Variants in CYP21A2 observed in about 807,000 individuals in gnomAD.
The protein encoded by CYP21A2 is steroid 21-hydroxylase.
CYP21A2 carries 24 observed loss-of-function variants against 47.4 expected under a neutral mutation model. The observed-to-expected ratio is 0.51, with a 90% CI of 0.37 to 0.71. The LOEUF (loss-of-function observed/expected upper bound fraction) is 0.71. Ranked by LOEUF, CYP21A2 falls within the 30% of genes least tolerant of loss-of-function variation. CYP21A2 has a pLI of 0.00. For missense variants in CYP21A2, 358 were observed against 643.2 expected (o/e 0.56, Z 4.80); for synonymous variants, 130 against 273.9 (o/e 0.47, Z 5.19).
Position 32,039,769 on chromosome 6 carries a change from C to T in CYP21A2, c.672C>T (p.Leu224=), listed in dbSNP as rs571081122. ...CGCAGTTCTTCCCCAATCCAGGTCT[C>T]CGGAGGCTGAAGCAGGCCATAGAGA... The part of the protein sequence containing the change: ...PFLRFFPNPG[L]RRLKQAIEKR... The change falls in exon 6 of 10, where the codon CTC becomes CTT. Residue 224 remains leucine, a synonymous_variant. Transcript: ENST00000644719. 103 of 1,613,236 alleles carry T rather than the reference C, an allele frequency of 6.4e-5. 1 individual carries two copies. In the South Asian group the frequency reaches 8.1e-4, roughly 13 times the overall value.
chr6:32,039,805 C>T lies in CYP21A2; in HGVS notation c.708C>T (p.His236=). The T allele has an allele frequency of 6.8e-6, 11 of 1,614,032 alleles. No individual in the cohort carries two copies. Among genetic ancestry groups the T allele is most frequent in the Non-Finnish European group, 9.3e-6 (11 of 1,179,966 alleles). ...AGCAGGCCATAGAGAAGAGGGATCA[C>T]ATCGTGGAGATGCAGCTGAGGCAGC... ...RLKQAIEKRD[H]IVEMQLRQHK... is the part of the protein sequence containing the mutation. Residue 236 remains histidine (H), a synonymous_variant, in exon 6 of 10, where the codon CAC becomes CAT. Transcript: ENST00000644719.
In CYP21A2 at chr6:32,040,182, GT is replaced by G. The variant is rs267606756; in HGVS notation, c.923del (p.Leu308CysfsTer15). ...TTANTLSWAVVFLLHHPEIQQ... is the reference protein window; with the variant it reads ...TTANTLSWAVXFLLHHPEIQQ... ...AGCAAACACCCTCTCCTGGGCCGTG[GT>G]TTTTTTGCTTCACCACCCTGAGGTG... On this transcript the variant is annotated frameshift_variant, in exon 7 of 10. Transcript: ENST00000644719. LOFTEE classifies it high-confidence loss of function. 5 of 1,612,746 alleles carry G rather than the reference GT, an allele frequency of 3.1e-6. No individual in the cohort carries two copies. Among genetic ancestry groups the G allele is most frequent in the Non-Finnish European group, 3.4e-6 (4 of 1,179,834 alleles).
In CYP21A2 at chr6:32,040,216, G is replaced by A; in HGVS notation, c.939+11G>A. 2 of 1,611,412 alleles carry A rather than the reference G, an allele frequency of 1.2e-6. No homozygotes were observed. Among genetic ancestry groups the A allele is most frequent in the Non-Finnish European group, 1.7e-6 (2 of 1,179,582 alleles). ...CTTCACCACCCTGAGGTGCGTCCTG[G>A]GGACAAGCAAAAGGCTCCTTCCCAG... On this transcript the variant is annotated intron_variant, in intron 7 of 9. Coordinates refer to ENST00000644719, the MANE Select transcript of CYP21A2 (RefSeq NM_000500.9).
Position 32,039,415 on chromosome 6 carries a change from C to T in CYP21A2, c.507C>T (p.Thr169=), listed in dbSNP as rs1776094187. Residue 169 remains threonine (T), a synonymous_variant, in exon 4 of 10, where the codon ACC becomes ACT. Transcript: ENST00000644719. ...VAIEEEFSLL[T]CSIICYLTFG... ...TTGAGGAGGAATTCTCTCTCCTCACCTGCAGCATCATCTGTTACCTCACCT... is the reference window on the plus strand; with the variant it reads ...TTGAGGAGGAATTCTCTCTCCTCACTTGCAGCATCATCTGTTACCTCACCT... 1.2e-6 allele frequency: 2 copies of T among 1,613,310 alleles called. No homozygotes were observed. Among genetic ancestry groups the T allele is most frequent in the Admixed American group, 1.7e-5 (1 of 59,924 alleles).
Position 32,039,197 on chromosome 6 carries a change from C to G in CYP21A2, c.396C>G (p.Ile132Met), listed in dbSNP as rs746395253. 2.5e-6 allele frequency: 4 copies of G among 1,597,412 alleles called. No homozygotes were observed. In the African/African-American group the frequency reaches 5.4e-5, roughly 21 times the overall value. The stretch of plus-strand genomic sequence containing the variant: ...CCCGCTCAGCCCTGCTGCTGGGCAT[C>G]CGTGACTCCATGGAGCCAGTGGTGG... ...KLTRSALLLG[I>M]RDSMEPVVEQ... Residue 132 changes from isoleucine to methionine, a missense_variant, in exon 3 of 10, where the codon ATC becomes ATG. Coordinates refer to ENST00000644719, the MANE Select transcript of CYP21A2 (RefSeq NM_000500.9).
In CYP21A2 at chr6:32,040,553, G is replaced by C. The variant is rs2151875445; in HGVS notation, c.1087G>C (p.Ala363Pro). 1 of 1,613,612 alleles carries C rather than the reference G, an allele frequency of 6.2e-7. No individual in the cohort carries two copies. The highest frequency in any genetic ancestry group is 1.1e-5 in the South Asian group (1 of 91,076). ...VLRLRPVVPL[A>P]LPHRTTRPSS... Reference sequence around the variant, plus strand: ...GCGCCTGCGGCCCGTTGTGCCCTTAGCCTTGCCCCACCGCACCACACGGCC... The same window carrying C: ...GCGCCTGCGGCCCGTTGTGCCCTTACCCTTGCCCCACCGCACCACACGGCC... Residue 363 changes from alanine to proline, a missense_variant, in exon 8 of 10, where the codon GCC becomes CCC. Ala to Pro is a conservative substitution (Grantham distance 27). Coordinates refer to ENST00000644719, the MANE Select transcript of CYP21A2 (RefSeq NM_000500.9).
Position 32,039,626 on chromosome 6 carries a change from G to A in CYP21A2, c.630G>A (p.Val210=). The change falls in exon 5 of 10, where the codon GTG becomes GTA. Residue 210 remains valine (V), a synonymous_variant. Transcript: ENST00000644719. The part of the protein sequence containing the change: ...KTWSHWSIQI[V]DVIPFLRFFP... Reference sequence around the variant, plus strand: ...GGAGCCACTGGTCCATCCAAATTGTGGACGTGATTCCCTTTCTCAGGGTGA... The same window carrying A: ...GGAGCCACTGGTCCATCCAAATTGTAGACGTGATTCCCTTTCTCAGGGTGA... 2 of 1,562,816 alleles carry A rather than the reference G, an allele frequency of 1.3e-6. No individual in the cohort carries two copies. The highest frequency in any genetic ancestry group is 1.9e-5 in the Admixed American group (1 of 52,562).
In CYP21A2 at chr6:32,038,591, G is replaced by A. The variant is rs1413433421; in HGVS notation, c.169G>A (p.Gly57Arg). 1 of 1,589,372 alleles carries A rather than the reference G, an allele frequency of 6.3e-7. No individual in the cohort carries two copies. Among genetic ancestry groups the A allele is most frequent in the Non-Finnish European group, 8.6e-7 (1 of 1,166,826 alleles). The stretch of plus-strand genomic sequence containing the variant: ...TCTGCTTGGCCTGACTCAGAAATTC[G>A]GGCCCATCTACAGGCTCCACCTTGG... ...IYLLGLTQKF[G>R]PIYRLHLGLQ... Residue 57 changes from glycine (G) to arginine (R), a missense_variant, in exon 1 of 10, where the codon GGG (glycine) becomes AGG (arginine). By Grantham distance (125) the Gly-to-Arg change is moderately radical. Coordinates refer to ENST00000644719, the MANE Select transcript of CYP21A2 (RefSeq NM_000500.9).
In CYP21A2 at chr6:32,039,179, A is replaced by G. The variant is rs780784265; in HGVS notation, c.378A>G (p.Ser126=). The G allele has an allele frequency of 6.2e-7, 1 of 1,605,648 alleles. No individual in the cohort carries two copies. Among genetic ancestry groups the G allele is most frequent in the African/African-American group, 1.3e-5 (1 of 74,718 alleles). Reference sequence around the variant, plus strand: ...AAGCCCACAAGAAGCTCACCCGCTCAGCCCTGCTGCTGGGCATCCGTGACT... The same window carrying G: ...AAGCCCACAAGAAGCTCACCCGCTCGGCCCTGCTGCTGGGCATCCGTGACT... ...LWKAHKKLTR[S]ALLLGIRDSM... is the part of the protein sequence containing the mutation. The change falls in exon 3 of 10, where the codon TCA becomes TCG. Residue 126 remains serine (S), a synonymous_variant. Coordinates refer to ENST00000644719, the MANE Select transcript of CYP21A2 (RefSeq NM_000500.9).
rs560190536 is a variant in CYP21A2, at chr6:32,038,939, G to C, written c.292+128G>C. ...ATCCTCCCACCTCAGCCTCAAGTGT[G>C]AGCCACCTTTGGGGCATCCCCAATC... On this transcript the variant is annotated intron_variant, in intron 2 of 9. Transcript: ENST00000644719. 4.1e-6 allele frequency: 6 copies of C among 1,465,746 alleles called. No homozygotes were observed. The African/African-American group carries it at 7.0e-5, about 17-fold the overall frequency. The allele number at this position is 1,465,746 out of a possible 1,614,324, so 90.8% of individuals were successfully genotyped here.
At position 32,038,551 on chromosome 6, in the gene CYP21A2, C is replaced by G. The variant is rs774906217; in HGVS notation, c.129C>G (p.Pro43=). 7 of 1,602,716 alleles carry G rather than the reference C, an allele frequency of 4.4e-6. No homozygotes were observed. Among genetic ancestry groups the G allele is most frequent in the Admixed American group, 3.4e-5 (2 of 58,656 alleles). ...CGGGCTTCTTGCACCTGCTGCAGCCCGACCTCCCCATCTATCTGCTTGGCC... is the reference window on the plus strand; with the variant it reads ...CGGGCTTCTTGCACCTGCTGCAGCCGGACCTCCCCATCTATCTGCTTGGCC... ...LAPGFLHLLQ[P]DLPIYLLGLT... Residue 43 remains proline, a synonymous_variant, in exon 1 of 10, where the codon CCC becomes CCG. Transcript: ENST00000644719.
rs1302893103 is a variant in CYP21A2, at chr6:32,039,539, C to T, written c.550-7C>T. ...TGAACTGAAAGTACTCCCTCCTTTT[C>T]TGGCAGGACGACAACTTAATGCCTG... On this transcript the variant is annotated splice_region_variant and splice_polypyrimidine_tract_variant and intron_variant, in intron 4 of 9. Coordinates refer to ENST00000644719, the MANE Select transcript of CYP21A2 (RefSeq NM_000500.9). 1.3e-6 allele frequency: 2 copies of T among 1,585,010 alleles called. No individual in the cohort carries two copies. Among genetic ancestry groups the T allele is most frequent in the Non-Finnish European group, 1.7e-6 (2 of 1,164,530 alleles).
In CYP21A2 at chr6:32,041,395, A is replaced by G. The variant is rs1776374068; in HGVS notation, c.*261A>G. ...GCGAAAGTTTCTTGGTCTCAGCTTC[A>G]TTTCCGTGAAGGGCACCGAGAACTC... On this transcript the variant is annotated 3_prime_UTR_variant, in exon 10 of 10. Transcript: ENST00000644719. 1 of 1,122,810 alleles carries G rather than the reference A, an allele frequency of 8.9e-7. No homozygotes were observed. Among genetic ancestry groups the G allele is most frequent in the Middle Eastern group, 2.1e-4 (1 of 4,674 alleles). The allele number at this position is 1,122,810 out of a possible 1,614,324, so 69.6% of individuals were successfully genotyped here. A position where few individuals can be genotyped will look rare whatever the true frequency, so the allele number is the denominator to read the frequency against.
At chr6:32,039,018 T>C in intron 2 of CYP21A2, 76 bp from the exon 3 acceptor site, 1 of 1,554,382 alleles carries the variant, frequency 6.4e-7, no homozygotes, top group South Asian at 1.2e-5. Flanking sequence ...AAGCAGGGGT[T>C]GGGGAGGCCG....
intron 4 of CYP21A2, 32 bp downstream of exon 4, chr6:32,039,489 C>T (rs1203529516): frequency 6.4e-7 from 1 of 1,572,708 alleles, no homozygotes; most frequent in Non-Finnish European, 8.6e-7. Context: ...CCACCCCCAG[C>T]CCCTCCCTGA....
Position 32,040,125 on chromosome 6 carries a change from G to A in CYP21A2, c.859G>A (p.Val287Met). Residue 287 changes from valine to methionine, a missense_variant, in exon 7 of 10, where the codon GTG (valine) becomes ATG (methionine). Transcript: ENST00000644719. ...GGAAGGGCACGTGCACATGGCTGCA[G>A]TGGACCTCCTGATCGGTGGCACTGA... ...LLEGHVHMAAVDLLIGGTETT... is the reference protein window; with the variant it reads ...LLEGHVHMAAMDLLIGGTETT... 6.2e-7 allele frequency: 1 copy of A among 1,612,870 alleles called. No homozygotes were observed. The highest frequency in any genetic ancestry group is 8.5e-7 in the Non-Finnish European group (1 of 1,179,870).
intron 2 of CYP21A2, 93 bp from the exon 3 acceptor site, chr6:32,039,001 G>T: frequency 1.9e-6 from 3 of 1,549,762 alleles, no homozygotes; most frequent in Non-Finnish European, 2.6e-6. Flanking sequence ...CATATCTGGT[G>T]GGGAGAAAGC....
In CYP21A2 at chr6:32,038,635, G is replaced by A; in HGVS notation, c.202+11G>A. The stretch of plus-strand genomic sequence containing the variant: ...ACCTTGGGCTGCAAGGTGAGAGGCT[G>A]ATCTCGCTCTGGCCCTCACCATAGG... On this transcript the variant is annotated intron_variant, in intron 1 of 9. Coordinates refer to ENST00000644719, the MANE Select transcript of CYP21A2 (RefSeq NM_000500.9). The A allele has an allele frequency of 6.3e-7, 1 of 1,579,646 alleles. No homozygotes were observed. Among genetic ancestry groups the A allele is most frequent in the Non-Finnish European group, 8.6e-7 (1 of 1,161,060 alleles).
In CYP21A2 at chr6:32,038,927, A is replaced by G. The variant is rs188515168; in HGVS notation, c.292+116A>G. 9.0e-5 allele frequency: 127 copies of G among 1,408,546 alleles called. 1 individual carries two copies. The highest frequency in any genetic ancestry group is 3.4e-4 in the African/African-American group (24 of 70,248). The allele number at this position is 1,408,546 out of a possible 1,614,324, so 87.3% of individuals were successfully genotyped here. ...TAGTCTCAAATGATCCTCCCACCTC[A>G]GCCTCAAGTGTGAGCCACCTTTGGG... On this transcript the variant is annotated intron_variant, in intron 2 of 9. Transcript: ENST00000644719.
Sources: allele counts gnomAD v4.1 joint callset, GRCh38; gene constraint gnomAD v4.1.1; transcripts MANE v1.5; gene names NCBI Gene and HGNC (gene_info 2026-07-23, HGNC 2026-07-21).